Variants in MTA3 observed in about 807,000 individuals in gnomAD.
MTA3 encodes metastasis associated 1 family member 3, also known as metastasis-associated protein MTA3.
MTA3 carries 34 observed loss-of-function variants against 83.5 expected under a neutral mutation model. That is an observed-to-expected ratio of 0.41 (90% CI 0.31 to 0.54). The LOEUF is 0.54. Ranked by LOEUF, MTA3 falls within the 20% of genes least tolerant of loss-of-function variation. The pLI is 0.33. For missense variants in MTA3, 761 were observed against 726.4 expected (o/e 1.05, Z -0.55); for synonymous variants, 303 against 252.7 (o/e 1.20, Z -1.89).
At chr2:42,573,301 CTTGG>C (rs1185700975) in intron 2 of MTA3, among the ~76,000 whole-genome samples, 1 of 152,106 alleles carries the variant, frequency 6.6e-6, no homozygotes, top group African/African-American at 2.4e-5. Flanking sequence ...GCCTTGAGAC[CTTGG>C]TTTGTTTTGG....
At chr2:42,545,824 T>C (rs924840193) in intron 2 of MTA3, among the ~76,000 whole-genome samples, 5 of 152,126 alleles carry the variant, frequency 3.3e-5, no homozygotes, top group African/African-American at 1.2e-4. Context: ...CAGGTTAAGA[T>C]TCCTGATTAA....
chr2:42,740,824 G>C (rs1668973168), intron 16 of MTA3, among the ~76,000 whole-genome samples: 1 of 152,196 alleles, frequency 6.6e-6, no homozygotes, highest in African/African-American at 2.4e-5. Context: ...ATTCTTAAGG[G>C]CTGTGTGGCT....
At chr2:42,727,219 A>C (rs1033733488) in intron 16 of MTA3, among the ~76,000 whole-genome samples, 1 of 152,134 alleles carries the variant, frequency 6.6e-6, no homozygotes, top group Admixed American at 6.5e-5. Context: ...GAAAGAAAGA[A>C]AGAAATCTGC....
At chr2:42,538,089 C>T (rs1186210596) in intron 2 of MTA3, among the ~76,000 whole-genome samples, 2 of 151,888 alleles carry the variant, frequency 1.3e-5, no homozygotes, top group Non-Finnish European at 2.9e-5. Flanking sequence ...AAAAATCAGA[C>T]AGGTATGGTG....
intron 12 of MTA3, 49 bp downstream of exon 12, chr2:42,704,367 C>T (rs960847345): frequency 1.9e-6 from 3 of 1,608,126 alleles, no homozygotes; most frequent in Non-Finnish European, 2.5e-6. Context: ...TGTTCTGGCT[C>T]ATGGGGTGTG....
intron 3 of MTA3, among the ~76,000 whole-genome samples, chr2:42,606,068 G>T (rs1387749698): frequency 8.0e-6 from 1 of 125,752 alleles, no homozygotes; most frequent in Non-Finnish European, 1.7e-5. Flanking sequence ...CGGGTGGGGG[G>T]GCTGACCCCC....
chr2:42,611,779 C>T (rs780433646), intron 4 of MTA3, among the ~76,000 whole-genome samples: 11 of 152,158 alleles, frequency 7.2e-5, no homozygotes, highest in South Asian at 2.1e-4. Flanking sequence ...TATACCACCA[C>T]ACCCTAGCCT....
upstream of MTA3, among the ~76,000 whole-genome samples, chr2:42,565,068 G>A (rs185068985): frequency 5.3e-5 from 8 of 152,172 alleles, no homozygotes; most frequent in East Asian, 9.7e-4. Context: ...GAGCCACCGC[G>A]CTCAGCCAAC....
intron 2 of MTA3, among the ~76,000 whole-genome samples, chr2:42,574,544 C>T (rs1678839522): frequency 6.6e-6 from 1 of 152,192 alleles, no homozygotes; most frequent in African/African-American, 2.4e-5. Context: ...TCAAGTGATT[C>T]TCCTCCCTCA....
chr2:42,625,392 T>G (rs1685975040), intron 4 of MTA3, among the ~76,000 whole-genome samples: 1 of 151,716 alleles, frequency 6.6e-6, no homozygotes, highest in African/African-American at 2.4e-5. Context: ...GTCCCTGAGC[T>G]AAATCTTTGA....
At chr2:42,649,659 A>T (rs1688528593) in intron 6 of MTA3, among the ~76,000 whole-genome samples, 1 of 152,190 alleles carries the variant, frequency 6.6e-6, no homozygotes, top group African/African-American at 2.4e-5. Context: ...ATTTTTACAA[A>T]AGTGCCTTCC....
intron 2 of MTA3, among the ~76,000 whole-genome samples, chr2:42,531,977 C>T (rs574455884): frequency 1.1e-3 from 169 of 152,044 alleles, no homozygotes; most frequent in Non-Finnish European, 1.9e-3. Context: ...AGGATGGTCT[C>T]GATCTCCTGA....
In MTA3 at chr2:42,638,748, T is replaced by C. The variant is rs148071689; in HGVS notation, c.318-1425T>C. 4.1e-3 allele frequency among the ~76,000 whole-genome samples: 618 copies of C among 151,756 alleles called. 2 individuals carry two copies. The highest frequency in any genetic ancestry group is 8.9e-3 in the Admixed American group (136 of 15,224). On this transcript the variant is annotated intron_variant, in intron 4 of 16. Coordinates refer to ENST00000405094, the MANE Select transcript of MTA3 (RefSeq NM_001330442.2). ...TTCACTAATCTACTTGAATAAAATA[T>C]GTTAGAAAAAAAGAAAACCTTTATA... is the stretch of plus-strand genomic sequence containing the variant.
chr2:42,558,075 G>C (rs933699019), intron 2 of MTA3, among the ~76,000 whole-genome samples: 7 of 152,092 alleles, frequency 4.6e-5, no homozygotes, highest in Admixed American at 3.3e-4. Context: ...GCTCCAGTTT[G>C]TCGGTTGGAC....
At chr2:42,615,376 A>G (rs1313600325) in intron 4 of MTA3, among the ~76,000 whole-genome samples, 2 of 149,436 alleles carry the variant, frequency 1.3e-5, no homozygotes, top group African/African-American at 4.9e-5. Flanking sequence ...TTTTTGATGG[A>G]TTCTCGCTCT....
Position 42,755,686 on chromosome 2 carries a change from G to C in MTA3, c.*2287G>C, listed in dbSNP as rs1670191904. The C allele has an allele frequency of 2.0e-6, 2 of 985,414 alleles. No homozygotes were observed. The highest frequency in any genetic ancestry group is 2.4e-6 in the Non-Finnish European group (2 of 829,998). 61.0% of individuals were successfully genotyped at this position (985,414 alleles called of 1,614,324 possible). ...CTAGTCTGTGCCTTTGCCGTTGGAA[G>C]CATTTGGTGCTGAGAGGGTTTCCCA... On this transcript the variant is annotated 3_prime_UTR_variant, in exon 17 of 17. Coordinates refer to ENST00000405094, the MANE Select transcript of MTA3 (RefSeq NM_001330442.2).
intron 8 of MTA3, among the ~76,000 whole-genome samples, chr2:42,666,612 G>T (rs1218210341): frequency 6.6e-6 from 1 of 152,170 alleles, no homozygotes; most frequent in Non-Finnish European, 1.5e-5. Context: ...TCACTTTAGG[G>T]CAGGTTGCTT....
chr2:42,723,924 A>AT (rs1667616127), intron 16 of MTA3, among the ~76,000 whole-genome samples: 1 of 152,196 alleles, frequency 6.6e-6, no homozygotes. Context: ...GATGTTCATA[A>AT]TAATGTCAAA....
At chr2:42,644,594 G>GT (rs1260160263) in intron 6 of MTA3, among the ~76,000 whole-genome samples, 2 of 151,990 alleles carry the variant, frequency 1.3e-5, no homozygotes, top group Non-Finnish European at 2.9e-5. Context: ...TATATATCTA[G>GT]TTTTTTAAAA....
Sources: gnomAD v4.1 joint callset for allele counts (sites outside exome capture counted in the v4.1 genomes callset) on GRCh38, gnomAD v4.1.1 for gene constraint, MANE v1.5 for transcripts, NCBI Gene and HGNC (gene_info 2026-07-23, HGNC 2026-07-21) for gene names.